The following MADD variants were observed in gnomAD, a reference collection of about 807,000 sequenced individuals.
MADD encodes MAP kinase-activating death domain protein.
MADD carries 109 observed loss-of-function variants against 176.7 expected under a neutral mutation model. The ratio of observed to expected loss-of-function variants is 0.62; its 90% CI spans 0.53 to 0.72. The LOEUF (loss-of-function observed/expected upper bound fraction) is 0.72, where lower values mean the gene tolerates loss of function less well. Ranked by LOEUF, MADD falls within the 30% of genes least tolerant of loss-of-function variation. The pLI, the probability that MADD is intolerant of heterozygous loss-of-function variation, is 0.00. For missense variants in MADD, 1,914 were observed against 2,045.5 expected, an observed-to-expected ratio of 0.94 and a Z score of 1.24; for synonymous variants, 771 against 771.3, an observed-to-expected ratio of 1.00 and a Z score of 0.01.
chr11:47,329,357 G>T (rs2142759792), exon 33 of MADD: 1 of 583,044 alleles, frequency 1.7e-6, no homozygotes, highest in East Asian at 2.9e-5. Flanking sequence ...ACTCCCAGAA[G>T]ACCAAACTGC....
chr11:47,273,159 G>A (rs1361911142), intron 1 of MADD, among the ~76,000 whole-genome samples: 2 of 152,184 alleles, frequency 1.3e-5, no homozygotes, highest in African/African-American at 4.8e-5. Context: ...CTAGCTAGTT[G>A]AGGAGTCTGG....
chr11:47,275,128 A>G (rs1276610007), exon 3 of MADD: 1 of 1,614,028 alleles, frequency 6.2e-7, no homozygotes, highest in East Asian at 2.2e-5. Context: ...CCTTCTGGGC[A>G]AGAAACTGGG....
chr11:47,322,216 T>G (rs2094573030), intron 27 of MADD, among the ~76,000 whole-genome samples: 2 of 152,074 alleles, frequency 1.3e-5, no homozygotes, highest in Non-Finnish European at 2.9e-5. Context: ...GTGGCACAGC[T>G]CAGTAATGGC....
chr11:47,271,448 T>A (rs1963536907), intron 1 of MADD, among the ~76,000 whole-genome samples: 1 of 149,822 alleles, frequency 6.7e-6, no homozygotes, highest in African/African-American at 2.4e-5. Flanking sequence ...TAACAAGATC[T>A]CAGGGTCCTT....
intron 13 of MADD, 112 bp downstream of exon 13, chr11:47,285,306 G>A: frequency 6.5e-7 from 1 of 1,545,292 alleles, no homozygotes; most frequent in Non-Finnish European, 8.7e-7. Flanking sequence ...TCGTGGTCCT[G>A]CCATCCCCAG....
intron 23 of MADD, chr11:47,309,004 A>G (rs1224457746): frequency 7.4e-6 from 12 of 1,613,884 alleles, no homozygotes; most frequent in Non-Finnish European, 1.0e-5. Flanking sequence ...TCCATGTGGG[A>G]CCAGTTAGAG....
intron 2 of MADD, 89 bp from the exon 3 acceptor site, chr11:47,274,474 C>T: frequency 1.9e-6 from 2 of 1,074,834 alleles, no homozygotes; most frequent in Non-Finnish European, 2.8e-6. Context: ...TCCAAAATAG[C>T]ATCTTGAGCT....
intron 22 of MADD, among the ~76,000 whole-genome samples, chr11:47,306,020 A>C (rs74757308): frequency 0.015 from 2,208 of 152,246 alleles, 29 homozygotes; most frequent in Non-Finnish European, 0.024. Context: ...TGCCGCTTCA[A>C]GTTAGGTGCT....
intron 15 of MADD, 61 bp downstream of exon 16, chr11:47,289,088 G>T: frequency 6.8e-7 from 1 of 1,467,370 alleles, no homozygotes; most frequent in Non-Finnish European, 9.2e-7. Flanking sequence ...TTCTGTGCCT[G>T]CCCGAGGGCC....
intron 18 of MADD, 77 bp from the exon 20 acceptor site, chr11:47,290,533 C>G: frequency 6.9e-7 from 1 of 1,448,456 alleles, no homozygotes; most frequent in Non-Finnish European, 9.5e-7. Context: ...CTCCTGTATC[C>G]TGGCTCCTCC....
At chr11:47,276,244 T>C in intron 4 of MADD, 42 bp downstream of exon 4, 1 of 1,540,294 alleles carries the variant, frequency 6.5e-7, no homozygotes, top group Non-Finnish European at 8.8e-7. Flanking sequence ...GGAGAAACTC[T>C]TAAATATGCC....
In MADD at chr11:47,311,684, C is replaced by A. The variant is rs367663813; in HGVS notation, c.3979-48C>A. 5 of 1,157,450 alleles carry A rather than the reference C, an allele frequency of 4.3e-6. No individual in the cohort carries two copies. In the African/African-American group the frequency reaches 4.5e-5, roughly 10 times the overall value. 71.7% of individuals were successfully genotyped at this position (1,157,450 alleles called of 1,614,324 possible). The stretch of plus-strand genomic sequence containing the variant: ...TACATTCTCTTTTCTCTACCTCAGT[C>A]GGGAGGAGAGCAGATCCCTTGTTAA... On this transcript the variant is annotated intron_variant, in intron 25 of 32. Coordinates refer to ENST00000402192, the Ensembl canonical transcript of MADD.
intron 22 of MADD, among the ~76,000 whole-genome samples, chr11:47,305,375 C>T (rs910753547): frequency 2.0e-5 from 3 of 152,134 alleles, no homozygotes; most frequent in Admixed American, 6.5e-5. Flanking sequence ...GGATCTGAGG[C>T]ACCCGCTAGC....
At chr11:47,294,851 T>C (rs775762956) in intron 20 of MADD, among the ~76,000 whole-genome samples, 7 of 152,084 alleles carry the variant, frequency 4.6e-5, no homozygotes, top group Non-Finnish European at 1.0e-4. Flanking sequence ...ATAGTGTGAC[T>C]CCAATTTTAT....
At chr11:47,323,003 C>T (rs888918786) in intron 27 of MADD, among the ~76,000 whole-genome samples, 1 of 152,132 alleles carries the variant, frequency 6.6e-6, no homozygotes, top group African/African-American at 2.4e-5. Context: ...TTTGGGAGGC[C>T]AAGACGGGTG....
chr11:47,293,749 G>T lies in MADD; in HGVS notation c.3302-134G>T, dbSNP rs200116973. 5.2e-5 allele frequency: 32 copies of T among 619,182 alleles called. 1 individual carries two copies. The highest frequency in any genetic ancestry group is 3.8e-4 in the Middle Eastern group (1 of 2,662). 38.4% of individuals were successfully genotyped at this position (619,182 alleles called of 1,614,324 possible). On this transcript the variant is annotated intron_variant, in intron 19 of 32. Transcript: ENST00000402192. Reference sequence around the variant, plus strand: ...CCTCTTTTTCCAGTGGGTCCTGAGTGGGGGGTAGTCCTTGGAAAGGTGACT... The same window carrying T: ...CCTCTTTTTCCAGTGGGTCCTGAGTTGGGGGTAGTCCTTGGAAAGGTGACT...
intron 22 of MADD, among the ~76,000 whole-genome samples, chr11:47,299,584 GCTTTTTTT>G (rs1593545046): frequency 1.5e-5 from 1 of 65,234 alleles, no homozygotes; most frequent in African/African-American, 1.0e-4. Context: ...AGATTTTAGG[GCTTTTTTT>G]TTTTTTTTTT....
At position 47,276,724 on chromosome 11, in the gene MADD, C is replaced by T; in HGVS notation, c.964-8C>T. On this transcript the variant is annotated splice_region_variant and splice_polypyrimidine_tract_variant and intron_variant, in intron 4 of 32. Transcript: ENST00000402192. ...TTGGAGTGATTCTTACTGGATGGCT[C>T]ATGACAGGTGGTGCTACAGTCCCGA... is the stretch of plus-strand genomic sequence containing the variant. 1 of 1,613,962 alleles carries T rather than the reference C, an allele frequency of 6.2e-7. No individual in the cohort carries two copies. Among genetic ancestry groups the T allele is most frequent in the Non-Finnish European group, 8.5e-7 (1 of 1,179,918 alleles).
intron 12 of MADD, 121 bp downstream of exon 12, chr11:47,284,686 T>C (rs2059389029): frequency 1.5e-6 from 2 of 1,358,886 alleles, no homozygotes; most frequent in African/African-American, 2.9e-5. Context: ...ATCTTCCTCT[T>C]CATGGGCCCT....
Sources: gnomAD v4.1 joint callset for allele counts (sites outside exome capture counted in the v4.1 genomes callset) on GRCh38, gnomAD v4.1.1 for gene constraint, MANE v1.5 for transcripts, NCBI Gene and HGNC (gene_info 2026-07-23, HGNC 2026-07-21) for gene names.